RNF39: variants seen among roughly 807,000 people sequenced by gnomAD.
RNF39 encodes ring finger protein 39.
Under a neutral mutation model 29.2 loss-of-function variants are expected in RNF39, and 25 were observed. The ratio of observed to expected loss-of-function variants is 0.86; its 90% confidence interval spans 0.62 to 1.20. RNF39 has a LOEUF of 1.20. RNF39 is among the 50% of genes most tolerant of loss of function. The probability of loss-of-function intolerance (pLI) is 0.00; values close to 1 mark genes in which losing one functional copy is unlikely to be tolerated. For missense variants in RNF39, 519 were observed against 515.0 expected (o/e 1.01, Z -0.08); for synonymous variants, 219 against 229.0 (o/e 0.96, Z 0.40).
In RNF39 at chr6:30,071,272, C is replaced by G; in HGVS notation, c.898G>C (p.Asp300His). The G allele has an allele frequency of 6.6e-7, 1 of 1,507,572 alleles. No homozygotes were observed. The highest frequency in any genetic ancestry group is 8.8e-7 in the Non-Finnish European group (1 of 1,130,756). The allele number at this position is 1,507,572 out of a possible 1,614,324, so 93.4% of individuals were successfully genotyped here. Residue 300 changes from aspartate (D) to histidine (H), a missense_variant, in exon 4 of 4, where the codon GAC (aspartate) becomes CAC (histidine). Transcript: ENST00000244360. This position sits in a 1 kb window ranked among gnomAD's most constrained non-coding sequence, Gnocchi z 5.0. ...ACGCGGCCCCGCTCCCAGTCCAGGTCCACGCGAATGCGCCGCGGCGGGGGC... is the reference window on the plus strand; with the variant it reads ...ACGCGGCCCCGCTCCCAGTCCAGGTGCACGCGAATGCGCCGCGGCGGGGGC... ...VEPPPRRIRV[D>H]LDWERGRVAF...
At chr6:30,075,161 C>T (rs951611519) in intron 1 of RNF39, 62 bp downstream of exon 1, 3 of 1,482,674 alleles carry the variant, frequency 2.0e-6, no homozygotes, top group African/African-American at 2.9e-5. Flanking sequence ...ACGTGCCATT[C>T]CCGGCTTCCC....
Position 30,075,231 on chromosome 6 carries a change from G to A in RNF39, c.355C>T (p.Pro119Ser). Residue 119 changes from proline (P) to serine (S), a missense_variant, in exon 1 of 4, where the codon CCC (proline) becomes TCC (serine). Transcript: ENST00000244360. ...CGCGCGCCCAGCCTCACCTCTCCGG[G>A]CAGGTCCAGGCAGCCCATGGTGGGG... The part of the protein sequence containing the change: ...RIPTMGCLDL[P>S]GEDMRKTWRR... The A allele has an allele frequency of 6.3e-7, 1 of 1,590,552 alleles. No individual in the cohort carries two copies. Among genetic ancestry groups the A allele is most frequent in the Non-Finnish European group, 8.5e-7 (1 of 1,174,534 alleles).
rs1010227717 is a variant in RNF39, at chr6:30,071,502, G to A, written c.668C>T (p.Ala223Val). 2.6e-6 allele frequency: 4 copies of A among 1,549,168 alleles called. No individual in the cohort carries two copies. Among genetic ancestry groups the A allele is most frequent in the East Asian group, 2.4e-5 (1 of 40,834 alleles). The change falls in exon 4 of 4, where the codon GCG becomes GTG. Residue 223 changes from alanine (A) to valine (V), a missense_variant. Ala to Val is a moderately conservative substitution (Grantham distance 64). Coordinates refer to ENST00000244360, the MANE Select transcript of RNF39 (RefSeq NM_025236.4). The surrounding 1 kb of genome is among the most constrained non-coding windows in gnomAD (Gnocchi z 5.0). ...AGAGTCTCTGCAGGAGGCGGCGTCC[G>A]CAGTCTCCACCTCCCAGCAGTGGCG... The part of the protein sequence containing the change: ...AGRHCWEVET[A>V]DAASCRDSSG...
In RNF39 at chr6:30,075,152, C is replaced by T. The variant is rs1766305270; in HGVS notation, c.363+71G>A. 5 of 1,442,248 alleles carry T rather than the reference C, an allele frequency of 3.5e-6. No homozygotes were observed. In the South Asian group the frequency reaches 5.1e-5, roughly 15 times the overall value. The allele number at this position is 1,442,248 out of a possible 1,614,324, so 89.3% of individuals were successfully genotyped here. On this transcript the variant is annotated intron_variant, in intron 1 of 3. Coordinates refer to ENST00000244360, the MANE Select transcript of RNF39 (RefSeq NM_025236.4). Reference sequence around the variant, plus strand: ...CTTCCACAGGGCCTCCGGCTCCAGACGTGCCATTCCCGGCTTCCCCGGGAA... The same window carrying T: ...CTTCCACAGGGCCTCCGGCTCCAGATGTGCCATTCCCGGCTTCCCCGGGAA...
intron 1 of RNF39, among the ~76,000 whole-genome samples, chr6:30,075,007 C>A (rs1011170320): frequency 9.2e-5 from 14 of 152,162 alleles, no homozygotes; most frequent in African/African-American, 3.4e-4. Context: ...CAGCCTCCTC[C>A]CCTGTGGACC....
chr6:30,071,494 C>T lies in RNF39; in HGVS notation c.676G>A (p.Ala226Thr), dbSNP rs1003366347. The T allele has an allele frequency of 1.3e-6, 2 of 1,553,796 alleles. No homozygotes were observed. Among genetic ancestry groups the T allele is most frequent in the East Asian group, 2.4e-5 (1 of 41,130 alleles). Residue 226 changes from alanine to threonine, a missense_variant, in exon 4 of 4, where the codon GCC becomes ACC. By Grantham distance (58) the Ala-to-Thr change is moderately conservative. Coordinates refer to ENST00000244360, the MANE Select transcript of RNF39 (RefSeq NM_025236.4). The surrounding 1 kb of genome is among the most constrained non-coding windows in gnomAD (Gnocchi z 5.0). ...HCWEVETADA[A>T]SCRDSSGEDA... ...TCCCCAGAAGAGTCTCTGCAGGAGG[C>T]GGCGTCCGCAGTCTCCACCTCCCAG...
rs9261303 is a variant in RNF39 at position 30,074,891 on chromosome 6, T to C, written c.363+332A>G. On this transcript the variant is annotated intron_variant, in intron 1 of 3. Coordinates refer to ENST00000244360, the MANE Select transcript of RNF39 (RefSeq NM_025236.4). The surrounding 1 kb of genome is among the most constrained non-coding windows in gnomAD (Gnocchi z 4.1). ...CCTGCCAAAACTTCTGCAGTTCCCA[T>C]GCCCTTCGCGGCGACTCCAGGGCTC... Among the ~76,000 whole-genome samples the C allele has an allele frequency of 0.052, 7,907 of 152,010 alleles. 255 individuals are homozygous for C. Among genetic ancestry groups the C allele is most frequent in the Admixed American group, 0.068 (1,036 of 15,274 alleles).
Position 30,070,808 on chromosome 6 carries a change from G to A in RNF39, c.*303C>T, listed in dbSNP as rs565380156. ...GTCACTTTACCAATACTGATGGGGA[G>A]GGCCTGTTCCCCATTGCAGGCCTAG... On this transcript the variant is annotated 3_prime_UTR_variant, in exon 4 of 4. Coordinates refer to ENST00000244360, the MANE Select transcript of RNF39 (RefSeq NM_025236.4). 9 of 639,292 alleles carry A rather than the reference G, an allele frequency of 1.4e-5. No homozygotes were observed. The highest frequency in any genetic ancestry group is 9.1e-5 in the South Asian group (6 of 66,222). 39.6% of individuals were successfully genotyped at this position (639,292 alleles called of 1,614,324 possible).
At chr6:30,075,152 C>G (rs1766305270) in intron 1 of RNF39, 71 bp downstream of exon 1, 1 of 1,442,370 alleles carries the variant, frequency 6.9e-7, no homozygotes, top group South Asian at 1.3e-5. Flanking sequence ...CGGCTCCAGA[C>G]GTGCCATTCC....
At position 30,075,484 on chromosome 6, in the gene RNF39, C is replaced by T. The variant is rs1279579910; in HGVS notation, c.102G>A (p.Ala34=). ...GGSFEDPVLL[A]CEHSFCRACL... Reference sequence around the variant, plus strand: ...ACGCGCGGCAGAAGCTGTGCTCGCACGCCAGAAGCACCGGGTCCTCGAAGG... The same window carrying T: ...ACGCGCGGCAGAAGCTGTGCTCGCATGCCAGAAGCACCGGGTCCTCGAAGG... The change falls in exon 1 of 4, where the codon GCG becomes GCA. Residue 34 remains alanine (A), a synonymous_variant. Coordinates refer to ENST00000244360, the MANE Select transcript of RNF39 (RefSeq NM_025236.4). 6.4e-7 allele frequency: 1 copy of T among 1,554,810 alleles called. No homozygotes were observed. Among genetic ancestry groups the T allele is most frequent in the South Asian group, 1.2e-5 (1 of 85,376 alleles).
rs771087714 is a variant in RNF39 at position 30,075,715 on chromosome 6, C to G, written c.-130G>C. On this transcript the variant is annotated 5_prime_UTR_variant, in exon 1 of 4. Transcript: ENST00000244360. ...CTCCGACTCCCGCATTAACTTTTGCCGCTTTCCGCCCCTCTCCTGGGATTG... is the reference window on the plus strand; with the variant it reads ...CTCCGACTCCCGCATTAACTTTTGCGGCTTTCCGCCCCTCTCCTGGGATTG... 2 of 1,614,090 alleles carry G rather than the reference C, an allele frequency of 1.2e-6. No homozygotes were observed. Among genetic ancestry groups the G allele is most frequent in the South Asian group, 1.1e-5 (1 of 91,084 alleles).
chr6:30,071,057 A>C lies in RNF39; in HGVS notation c.*54T>G. ...GAAATGAGTGGGGAATTCCACCCCC[A>C]AAAAGCAGCTGCAGGGCCAGTGGCC... is the stretch of plus-strand genomic sequence containing the variant. On this transcript the variant is annotated 3_prime_UTR_variant, in exon 4 of 4. Transcript: ENST00000244360. This position sits in a 1 kb window ranked among gnomAD's most constrained non-coding sequence, Gnocchi z 5.0. 1 of 1,406,530 alleles carries C rather than the reference A, an allele frequency of 7.1e-7. No individual in the cohort carries two copies. Among genetic ancestry groups the C allele is most frequent in the Admixed American group, 2.0e-5 (1 of 50,824 alleles). 87.1% of individuals were successfully genotyped at this position (1,406,530 alleles called of 1,614,324 possible).
In RNF39 at chr6:30,074,244, T is replaced by C. The variant is rs773475227; in HGVS notation, c.364-766A>G. Among the ~76,000 whole-genome samples, 23 of 152,082 alleles carry C rather than the reference T, an allele frequency of 1.5e-4. No individual in the cohort carries two copies. Among genetic ancestry groups the C allele is most frequent in the African/African-American group, 2.4e-4 (10 of 41,400 alleles). On this transcript the variant is annotated intron_variant, in intron 1 of 3. Transcript: ENST00000244360. The surrounding 1 kb of genome is among the most constrained non-coding windows in gnomAD (Gnocchi z 4.1). ...GTGGAGCGGGGGAGAGAGAAACAAT[T>C]TGCATAATTGTGCCAATTACTTTCA...
rs1199756830 is a variant in RNF39, at chr6:30,075,419, G to C, written c.167C>G (p.Thr56Ser). 2 of 1,555,348 alleles carry C rather than the reference G, an allele frequency of 1.3e-6. No homozygotes were observed. Among genetic ancestry groups the C allele is most frequent in the Non-Finnish European group, 8.7e-7 (1 of 1,153,584 alleles). ...GGGACAGGCGGTGGGGGAAGCCTCGGTGCCGGTCGCCGGCGGAGTCCCCCA... is the reference window on the plus strand; with the variant it reads ...GGGACAGGCGGTGGGGGAAGCCTCGCTGCCGGTCGCCGGCGGAGTCCCCCA... ...RRWGTPPATG[T>S]EASPTACPCC... The change falls in exon 1 of 4, where the codon ACC becomes AGC. Residue 56 changes from threonine (T) to serine (S), a missense_variant. Thr to Ser is a moderately conservative substitution (Grantham distance 58). Transcript: ENST00000244360.
In RNF39 at chr6:30,075,244, G is replaced by A; in HGVS notation, c.342C>T (p.Gly114=). 1 of 1,597,438 alleles carries A rather than the reference G, an allele frequency of 6.3e-7. No individual in the cohort carries two copies. The highest frequency in any genetic ancestry group is 1.1e-5 in the South Asian group (1 of 89,396). The part of the protein sequence containing the change: ...RRRGGRIPTM[G]CLDLPGEDMR... ...TCACCTCTCCGGGCAGGTCCAGGCA[G>A]CCCATGGTGGGGATGCGCCCCCCTC... Residue 114 remains glycine, a synonymous_variant, in exon 1 of 4, where the codon GGC becomes GGT. Transcript: ENST00000244360.
chr6:30,070,646 T>C lies in RNF39; in HGVS notation c.*465A>G, dbSNP rs1289993203. ...CAGACCAGAGTCAAGCCTCTTGTTT[T>C]AGGAGAAACCTCAGTGGACAGGCAG... On this transcript the variant is annotated 3_prime_UTR_variant, in exon 4 of 4. Transcript: ENST00000244360. The C allele has an allele frequency of 2.8e-6, 1 of 361,418 alleles. No homozygotes were observed. Among genetic ancestry groups the C allele is most frequent in the East Asian group, 7.3e-5 (1 of 13,752 alleles). The allele number at this position is 361,418 out of a possible 1,614,324, so 22.4% of individuals were successfully genotyped here. A position where few individuals can be genotyped will look rare whatever the true frequency, so the allele number is the denominator to read the frequency against.
Position 30,075,512 on chromosome 6 carries a change from C to A in RNF39, c.74G>T (p.Gly25Val). The A allele has an allele frequency of 1.3e-6, 2 of 1,571,584 alleles. No homozygotes were observed. The highest frequency in any genetic ancestry group is 1.4e-5 in the African/African-American group (1 of 73,966). Residue 25 changes from glycine (G) to valine (V), a missense_variant, in exon 1 of 4, where the codon GGC becomes GTC. Coordinates refer to ENST00000244360, the MANE Select transcript of RNF39 (RefSeq NM_025236.4). ...EQLATCPLCG[G>V]SFEDPVLLAC... is the part of the protein sequence containing the mutation. ...CAGAAGCACCGGGTCCTCGAAGGAGCCCCCGCACAGAGGACACGTCGCCAG... is the reference window on the plus strand; with the variant it reads ...CAGAAGCACCGGGTCCTCGAAGGAGACCCCGCACAGAGGACACGTCGCCAG...
Position 30,071,682 on chromosome 6 carries a change from G to A in RNF39, c.488C>T (p.Thr163Ile). 1 of 1,411,204 alleles carries A rather than the reference G, an allele frequency of 7.1e-7. No individual in the cohort carries two copies. The highest frequency in any genetic ancestry group is 2.9e-5 in the East Asian group (1 of 34,978). 87.4% of individuals were successfully genotyped at this position (1,411,204 alleles called of 1,614,324 possible). The change falls in exon 4 of 4, where the codon ACC becomes ATC. Residue 163 changes from threonine (T) to isoleucine (I), a missense_variant. Physicochemically the swap from Thr to Ile is moderately conservative, Grantham distance 89. Transcript: ENST00000244360. This position sits in a 1 kb window ranked among gnomAD's most constrained non-coding sequence, Gnocchi z 5.0. The part of the protein sequence containing the change: ...KMLHRLTADL[T>I]LDPGTAHRRL... ...GCGGTGTGCGGTCCCAGGGTCCAGG[G>A]TCAGGTCGGCTGGAGACGGGGAGGC...
Position 30,071,032 on chromosome 6 carries a change from G to T in RNF39, c.*79C>A. On this transcript the variant is annotated 3_prime_UTR_variant, in exon 4 of 4. Coordinates refer to ENST00000244360, the MANE Select transcript of RNF39 (RefSeq NM_025236.4). The surrounding 1 kb of genome is among the most constrained non-coding windows in gnomAD (Gnocchi z 5.0). ...CAATGGGCGTGTGAATGTGTTCCCA[G>T]AAATGAGTGGGGAATTCCACCCCCA... The T allele has an allele frequency of 8.5e-7, 1 of 1,180,666 alleles. No homozygotes were observed. Among genetic ancestry groups the T allele is most frequent in the Non-Finnish European group, 1.2e-6 (1 of 809,382 alleles). 73.1% of individuals were successfully genotyped at this position (1,180,666 alleles called of 1,614,324 possible).
Sources: gnomAD v4.1 joint callset for allele counts (sites outside exome capture counted in the v4.1 genomes callset) on GRCh38, gnomAD v4.1.1 for gene constraint, Gnocchi (gnomAD v3.1) non-coding constraint, MANE v1.5 for transcripts, NCBI Gene and HGNC (gene_info 2026-07-23, HGNC 2026-07-21) for gene names.